The following DNAJC1 variants were observed in gnomAD, a reference collection of about 807,000 sequenced individuals.
DNAJC1 encodes dnaJ homolog subfamily C member 1.
Under a neutral mutation model 76.6 loss-of-function variants are expected in DNAJC1, and 58 were observed. The observed-to-expected ratio is 0.76, with a 90% CI of 0.61 to 0.94. The LOEUF (loss-of-function observed/expected upper bound fraction) is 0.94. DNAJC1 is among the 40% of genes least tolerant of loss of function. DNAJC1 has a pLI of 0.00. For synonymous variants in DNAJC1, 258 were observed against 267.9 expected (o/e 0.96, Z 0.36); for missense variants, 689 against 677.3 (o/e 1.02, Z -0.19).
intron 8 of DNAJC1, among the ~76,000 whole-genome samples, chr10:21,847,603 G>C (rs1253391573): frequency 6.6e-6 from 1 of 151,996 alleles, no homozygotes; most frequent in East Asian, 1.9e-4. Flanking sequence ...TCCTACCTTT[G>C]TCAGCCTCTA....
intron 1 of DNAJC1, among the ~76,000 whole-genome samples, chr10:21,936,087 TC>T (rs1029995900): frequency 6.6e-6 from 1 of 152,156 alleles, no homozygotes; most frequent in Non-Finnish European, 1.5e-5. Flanking sequence ...TGAAATCTAA[TC>T]CCCCATGTGA....
intron 8 of DNAJC1, among the ~76,000 whole-genome samples, chr10:21,823,958 A>G (rs1589996798): frequency 6.6e-6 from 1 of 152,216 alleles, no homozygotes; most frequent in East Asian, 1.9e-4. Flanking sequence ...ATACATGAGA[A>G]TAAAAACTAG....
intron 9 of DNAJC1, among the ~76,000 whole-genome samples, chr10:21,787,795 C>T (rs564905152): frequency 6.6e-6 from 1 of 152,356 alleles, no homozygotes; most frequent in South Asian, 2.1e-4. Flanking sequence ...GGGTCACCTG[C>T]AGTCCTCACA....
chr10:21,774,487 G>T (rs530255480), intron 9 of DNAJC1, among the ~76,000 whole-genome samples: 1 of 152,112 alleles, frequency 6.6e-6, no homozygotes, highest in Admixed American at 6.5e-5. Flanking sequence ...CATATTAAAC[G>T]TATTAATATA....
In DNAJC1 at chr10:21,983,956, AAAAC is replaced by A. The variant is rs1368947914; in HGVS notation, c.222+19253_222+19256del. Among the ~76,000 whole-genome samples, 10 of 152,264 alleles carry A rather than the reference AAAAC, an allele frequency of 6.6e-5. No individual in the cohort carries two copies. In the South Asian group the frequency reaches 1.9e-3, roughly 28 times the overall value. On this transcript the variant is annotated intron_variant, in intron 1 of 11. Coordinates refer to ENST00000376980, the MANE Select transcript of DNAJC1 (RefSeq NM_022365.4). ...CATTATGTATATTTTACTACAATAA[AAAAC>A]AAAAAAGCAGTTTACATACTGTACT...
At chr10:21,965,077 T>C (rs1837869145) in intron 1 of DNAJC1, among the ~76,000 whole-genome samples, 1 of 152,184 alleles carries the variant, frequency 6.6e-6, no homozygotes, top group African/African-American at 2.4e-5. Context: ...TTCTTAGTTC[T>C]TACTATTAAT....
At chr10:21,840,258 C>T (rs1310491694) in intron 8 of DNAJC1, among the ~76,000 whole-genome samples, 2 of 152,104 alleles carry the variant, frequency 1.3e-5, no homozygotes, top group Non-Finnish European at 2.9e-5. Flanking sequence ...CCAGGGCAAT[C>T]AGGCAGGAGA....
intron 8 of DNAJC1, among the ~76,000 whole-genome samples, chr10:21,841,675 C>T (rs556897963): frequency 3.3e-4 from 50 of 152,254 alleles, no homozygotes; most frequent in African/African-American, 1.2e-3. Context: ...CTAGTTCAAC[C>T]ATTGTGGAAG....
chr10:21,781,718 CA>C (rs1298897674), intron 9 of DNAJC1, among the ~76,000 whole-genome samples: 48 of 87,306 alleles, frequency 5.5e-4, no homozygotes, highest in South Asian at 1.9e-3. Flanking sequence ...GCGACTGTCT[CA>C]AAAAAAAAAA....
intron 3 of DNAJC1, 29 bp from the exon 4 acceptor site, chr10:21,920,992 G>C: frequency 6.7e-7 from 1 of 1,490,910 alleles, no homozygotes; most frequent in Non-Finnish European, 9.0e-7. Flanking sequence ...AGTTTTTCAC[G>C]GGGAGTTTAA....
rs978580825 is a variant in DNAJC1, at chr10:21,937,381, A to T, written c.223-8240T>A. ...ATTGTTACAAAAGACAAAGGACATT[A>T]TTTAACGACAAAAAGGTCAATCCAT... On this transcript the variant is annotated intron_variant, in intron 1 of 11. Coordinates refer to ENST00000376980, the MANE Select transcript of DNAJC1 (RefSeq NM_022365.4). Among the ~76,000 whole-genome samples, 5 of 152,286 alleles carry T rather than the reference A, an allele frequency of 3.3e-5. No homozygotes were observed. In the East Asian group the frequency reaches 9.6e-4, roughly 29 times the overall value.
At chr10:21,821,116 T>C (rs1018501591) in intron 8 of DNAJC1, among the ~76,000 whole-genome samples, 2 of 152,190 alleles carry the variant, frequency 1.3e-5, no homozygotes, top group Non-Finnish European at 2.9e-5. Context: ...CTGTGCAGCA[T>C]TCCTTCCTCC....
chr10:21,812,274 G>A (rs1429478234), intron 8 of DNAJC1, among the ~76,000 whole-genome samples: 1 of 151,604 alleles, frequency 6.6e-6, no homozygotes, highest in African/African-American at 2.4e-5. Context: ...GACCAGGCTG[G>A]TCTTGAACTC....
intron 8 of DNAJC1, among the ~76,000 whole-genome samples, chr10:21,867,197 G>C (rs1028809628): frequency 1.3e-5 from 2 of 151,962 alleles, no homozygotes; most frequent in Non-Finnish European, 2.9e-5. Flanking sequence ...ACAATATACA[G>C]ACTCAAAAAG....
chr10:21,926,359 T>C (rs1439861343), intron 3 of DNAJC1, among the ~76,000 whole-genome samples: 1 of 151,996 alleles, frequency 6.6e-6, no homozygotes, highest in Non-Finnish European at 1.5e-5. Context: ...TGCATCTGAT[T>C]TCAGAGAAAA....
chr10:21,940,365 T>C (rs944980003), intron 1 of DNAJC1, among the ~76,000 whole-genome samples: 2 of 152,162 alleles, frequency 1.3e-5, no homozygotes, highest in Admixed American at 1.3e-4. Flanking sequence ...TTTGGAGAGA[T>C]GTATTCAAAT....
intron 3 of DNAJC1, among the ~76,000 whole-genome samples, chr10:21,926,933 G>T (rs1837137300): frequency 6.6e-6 from 1 of 151,876 alleles, no homozygotes; most frequent in Non-Finnish European, 1.5e-5. Flanking sequence ...AATAATTTTG[G>T]TAACTGAAAG....
At chr10:21,802,708 T>C (rs1834826521) in intron 9 of DNAJC1, among the ~76,000 whole-genome samples, 1 of 152,130 alleles carries the variant, frequency 6.6e-6, no homozygotes, top group African/African-American at 2.4e-5. Flanking sequence ...AAGAGATTAG[T>C]GACCAGGGAG....
At position 21,819,454 on chromosome 10, in the gene DNAJC1, G is replaced by A. The variant is rs185227003; in HGVS notation, c.979-13355C>T. Among the ~76,000 whole-genome samples, 344 of 151,684 alleles carry A rather than the reference G, an allele frequency of 2.3e-3. 3 individuals are homozygous for A. The highest frequency in any genetic ancestry group is 7.9e-3 in the African/African-American group (328 of 41,260). On this transcript the variant is annotated intron_variant, in intron 8 of 11. Coordinates refer to ENST00000376980, the MANE Select transcript of DNAJC1 (RefSeq NM_022365.4). ...AGTAGTCTACTAGCTTGTTGGTCAC[G>A]CTTTGAAATTCAAAATTTTAAAATG...
Sources: allele counts gnomAD v4.1 joint callset (sites outside exome capture counted in the v4.1 genomes callset), GRCh38; gene constraint gnomAD v4.1.1; transcripts MANE v1.5; gene names NCBI Gene and HGNC (gene_info 2026-07-23, HGNC 2026-07-21).